The following SLC36A1 variants were observed in gnomAD, a reference collection of about 807,000 sequenced individuals.
SLC36A1 encodes the protein solute carrier family 36 member 1, also known as proton-coupled amino acid transporter 1.
A neutral mutation model predicts 47.5 loss-of-function variants in SLC36A1; 30 were observed. That is an observed-to-expected ratio of 0.63 (90% confidence interval 0.47 to 0.86). The LOEUF (loss-of-function observed/expected upper bound fraction) is 0.86. Among genes scored for constraint, SLC36A1 ranks in the 40% least tolerant of loss-of-function variants. SLC36A1 has a pLI of 0.00. For synonymous variants in SLC36A1, 255 were observed against 249.7 expected (o/e 1.02, Z -0.20); for missense variants, 517 against 606.0 (o/e 0.85, Z 1.54).
chr5:151,352,350 C>G, the SLC36A1 span, among the ~76,000 whole-genome samples: 42,328 of 152,060 alleles, frequency 0.28, 7,781 homozygotes, highest in East Asian at 0.56. Context: ...GGTCACCTTC[C>G]CAGTTCTTAG....
the SLC36A1 span, chr5:151,382,076 C>T: frequency 1.7e-5 from 13 of 760,612 alleles, no homozygotes; most frequent in Non-Finnish European, 2.8e-5. Context: ...CTGATGTAAC[C>T]CCCAAAGAGA....
upstream of SLC36A1, among the ~76,000 whole-genome samples, chr5:151,443,214 A>G (rs534628220): frequency 1.3e-5 from 2 of 151,906 alleles, no homozygotes; most frequent in Non-Finnish European, 2.9e-5. Flanking sequence ...AAACCTTTAT[A>G]CTGTTTTTTT....
At chr5:151,475,704 C>T (rs1757952886) in intron 8 of SLC36A1, among the ~76,000 whole-genome samples, 1 of 152,196 alleles carries the variant, frequency 6.6e-6, no homozygotes, top group Admixed American at 6.5e-5. Flanking sequence ...ACCAGGCCTG[C>T]AGCAGGATCA....
At chr5:151,375,933 T>A in the SLC36A1 span, among the ~76,000 whole-genome samples, 1 of 152,198 alleles carries the variant, frequency 6.6e-6, no homozygotes, top group Non-Finnish European at 1.5e-5. Context: ...TAGATCATAT[T>A]ATCATCAAAC....
At position 151,490,120 on chromosome 5, in the gene SLC36A1, A is replaced by C. The variant is rs926503565; in HGVS notation, c.*1866A>C. ...TACCTAATAATTTGTTAACTTAGGA[A>C]TATGCTATCATTGTTGACTTGTTCT... is the stretch of plus-strand genomic sequence containing the variant. On this transcript the variant is annotated 3_prime_UTR_variant, in exon 11 of 11. Transcript: ENST00000243389. 2 of 152,216 alleles carry C rather than the reference A, an allele frequency of 1.3e-5. No homozygotes were observed. Among genetic ancestry groups the C allele is most frequent in the Non-Finnish European group, 2.9e-5 (2 of 68,040 alleles). The allele number at this position is 152,216 out of a possible 1,614,324, so 9.4% of individuals were successfully genotyped here.
intron 9 of SLC36A1, 27 bp from the exon 10 acceptor site, chr5:151,479,293 T>C (rs1758495954): frequency 1.2e-6 from 2 of 1,611,062 alleles, no homozygotes; most frequent in African/African-American, 2.7e-5. Flanking sequence ...TGAGCAGGCT[T>C]GGAATGTCTC....
At chr5:151,430,777 G>A in the SLC36A1 span, among the ~76,000 whole-genome samples, 4 of 152,186 alleles carry the variant, frequency 2.6e-5, no homozygotes, top group Admixed American at 2.6e-4. Flanking sequence ...TTCAGTGGAG[G>A]TAGATAATGC....
the SLC36A1 span, among the ~76,000 whole-genome samples, chr5:151,391,729 G>GC: frequency 6.6e-6 from 1 of 152,174 alleles, no homozygotes; most frequent in Non-Finnish European, 1.5e-5. Context: ...TGTTGAACCA[G>GC]CCTTGCATCC....
intron 1 of SLC36A1, among the ~76,000 whole-genome samples, chr5:151,440,975 G>T (rs1752590109): frequency 6.6e-6 from 1 of 152,220 alleles, no homozygotes; most frequent in Non-Finnish European, 1.5e-5. Flanking sequence ...GAGAGCATCA[G>T]ACTCTCCTAG....
chr5:151,553,192 A>C, the SLC36A1 span: 1 of 1,614,262 alleles, frequency 6.2e-7, no homozygotes, highest in Non-Finnish European at 8.5e-7. Flanking sequence ...ATGTTGAACC[A>C]GAAGAGTCCG....
the SLC36A1 span, among the ~76,000 whole-genome samples, chr5:151,400,774 T>C: frequency 6.6e-6 from 1 of 152,162 alleles, no homozygotes; most frequent in Non-Finnish European, 1.5e-5. Context: ...CTCTGATTAG[T>C]GATGTTGAGC....
intron 8 of SLC36A1, among the ~76,000 whole-genome samples, chr5:151,475,837 A>G (rs1053698301): frequency 1.3e-5 from 2 of 152,220 alleles, no homozygotes; most frequent in African/African-American, 2.4e-5. Flanking sequence ...GCTCTTCCTT[A>G]TTAGCTGTGC....
the SLC36A1 span, among the ~76,000 whole-genome samples, chr5:151,399,084 A>ATATATATATATATATATTT: frequency 1.0e-4 from 6 of 60,036 alleles, no homozygotes; most frequent in African/African-American, 3.4e-4. Flanking sequence ...ATATATATAT[A>ATATATATATATATATATTT]TTTTTTTTTT....
chr5:151,424,709 A>G, the SLC36A1 span, among the ~76,000 whole-genome samples: 14 of 152,132 alleles, frequency 9.2e-5, no homozygotes, highest in Non-Finnish European at 1.9e-4. Context: ...AATAGAAACC[A>G]TTTGATTGTC....
chr5:151,399,852 AAAT>A, the SLC36A1 span, among the ~76,000 whole-genome samples: 1 of 152,188 alleles, frequency 6.6e-6, no homozygotes, highest in African/African-American at 2.4e-5. Context: ...TCATGAAGCA[AAAT>A]AATAATAATC....
chr5:151,538,939 G>A, the SLC36A1 span, among the ~76,000 whole-genome samples: 4 of 152,086 alleles, frequency 2.6e-5, no homozygotes, highest in Non-Finnish European at 5.9e-5. Context: ...GCCTGCCTCG[G>A]CCTCCCAAAG....
the SLC36A1 span, among the ~76,000 whole-genome samples, chr5:151,500,233 C>T: frequency 6.6e-6 from 1 of 152,194 alleles, no homozygotes; most frequent in South Asian, 2.1e-4. Context: ...GACTGGAATC[C>T]TGGTCCTGTC....
chr5:151,386,705 A>G, the SLC36A1 span, among the ~76,000 whole-genome samples: 2 of 152,184 alleles, frequency 1.3e-5, no homozygotes, highest in Admixed American at 1.3e-4. Flanking sequence ...ATTGCACTCA[A>G]GAACAGAAAA....
the SLC36A1 span, chr5:151,550,708 C>T: frequency 1.9e-6 from 3 of 1,614,170 alleles, no homozygotes; most frequent in South Asian, 3.3e-5. Flanking sequence ...GTCTTGGCTG[C>T]CATGTATGGT....
Sources: allele counts gnomAD v4.1 joint callset (sites outside exome capture counted in the v4.1 genomes callset), GRCh38; gene constraint gnomAD v4.1.1; transcripts MANE v1.5; gene names NCBI Gene and HGNC (gene_info 2026-07-23, HGNC 2026-07-21).